The following COL1A1 variants were observed in gnomAD, a reference collection of about 807,000 sequenced individuals.
COL1A1 encodes the protein collagen alpha-1(I) chain.
In COL1A1, 21 loss-of-function variants were observed where a neutral mutation model predicts 195.7. The ratio of observed to expected loss-of-function variants is 0.11; its 90% CI spans 0.08 to 0.15. COL1A1 has a LOEUF of 0.15. Among genes scored for constraint, COL1A1 ranks in the 10% least tolerant of loss-of-function variants. The probability of loss-of-function intolerance (pLI) is 1.00; values close to 1 mark genes in which losing one functional copy is unlikely to be tolerated. For missense variants in COL1A1, 1,365 were observed against 2,051.0 expected, an observed-to-expected ratio of 0.67 and a Z score of 6.46; for synonymous variants, 749 against 747.3, an observed-to-expected ratio of 1.00 and a Z score of -0.04.
In COL1A1 at chr17:50,196,374, A is replaced by G. The variant is rs774008765; in HGVS notation, c.904-7T>C. The G allele has an allele frequency of 6.2e-7, 1 of 1,613,902 alleles. No individual in the cohort carries two copies. The highest frequency in any genetic ancestry group is 1.7e-5 in the Admixed American group (1 of 59,972). ...CAGGCAGGCCACGGGGGCCCTGACA[A>G]CCAAACCAAGAGAAGTCAGATGAGA... On this transcript the variant is annotated splice_polypyrimidine_tract_variant and splice_region_variant and intron_variant, in intron 13 of 50. Transcript: ENST00000225964.
chr17:50,192,390 T>C (rs1907176075), intron 29 of COL1A1, 85 bp downstream of exon 29: 1 of 1,441,898 alleles, frequency 6.9e-7, no homozygotes, highest in Admixed American at 2.0e-5. Flanking sequence ...CTCTAGTTGA[T>C]GGCTGTCTGA....
At position 50,194,985 on chromosome 17, in the gene COL1A1, C is replaced by G; in HGVS notation, c.1353+62G>C. 1 of 1,567,928 alleles carries G rather than the reference C, an allele frequency of 6.4e-7. No individual in the cohort carries two copies. ...GGGGCTCCTCTTCCTTTCTGGATTT[C>G]CCTCAGGGGGCTCCTAGGGCAGGGT... On this transcript the variant is annotated intron_variant, in intron 20 of 50. Coordinates refer to ENST00000225964, the MANE Select transcript of COL1A1 (RefSeq NM_000088.4). The surrounding 1 kb of genome is among the most constrained non-coding windows in gnomAD (Gnocchi z 6.8).
rs1907404687 is a variant in COL1A1, at chr17:50,194,635, G to A, written c.1462-9C>T. On this transcript the variant is annotated splice_polypyrimidine_tract_variant and intron_variant, in intron 21 of 50. Coordinates refer to ENST00000225964, the MANE Select transcript of COL1A1 (RefSeq NM_000088.4). This position sits in a 1 kb window ranked among gnomAD's most constrained non-coding sequence, Gnocchi z 6.8. The stretch of plus-strand genomic sequence containing the variant: ...CGGCTACCAGGTCCACCCTGCAGGA[G>A]GAGAGGAGGCCAGTGAACTCCGCGA... 6.4e-7 allele frequency: 1 copy of A among 1,560,756 alleles called. No homozygotes were observed. Among genetic ancestry groups the A allele is most frequent in the Non-Finnish European group, 8.7e-7 (1 of 1,152,056 alleles).
chr17:50,193,121 C>A (rs1295785272), intron 25 of COL1A1, 74 bp from the exon 26 acceptor site: 12 of 1,432,918 alleles, frequency 8.4e-6, no homozygotes, highest in African/African-American at 1.4e-5. Flanking sequence ...CTCATTTACT[C>A]TGAGTGGGAC....
At chr17:50,192,151 T>A in intron 29 of COL1A1, 127 bp from the exon 30 acceptor site, 1 of 1,051,242 alleles carries the variant, frequency 9.5e-7, no homozygotes, top group Non-Finnish European at 1.4e-6. Context: ...AGCACTGAAT[T>A]GAGATTATCC....
rs1061237 is a variant in COL1A1, at chr17:50,185,414, A to T, written c.*88T>A. Reference sequence around the variant, plus strand: ...ATTGTCTCCCATTTTTTGGCTTTTGAGGGGGTTCAGTTTGGGTTGCTTGTC... The same window carrying T: ...ATTGTCTCCCATTTTTTGGCTTTTGTGGGGGTTCAGTTTGGGTTGCTTGTC... On this transcript the variant is annotated 3_prime_UTR_variant, in exon 51 of 51. Transcript: ENST00000225964. The T allele has an allele frequency of 0.021, 32,055 of 1,497,468 alleles. 455 individuals carry two copies. The highest frequency in any genetic ancestry group is 0.025 in the Non-Finnish European group (26,534 of 1,079,178). 92.8% of individuals were successfully genotyped at this position (1,497,468 alleles called of 1,614,324 possible).
Position 50,190,806 on chromosome 17 carries a change from G to A in COL1A1, c.2343+11C>T, listed in dbSNP as rs369846335. On this transcript the variant is annotated intron_variant, in intron 33 of 50. Coordinates refer to ENST00000225964, the MANE Select transcript of COL1A1 (RefSeq NM_000088.4). This position sits in a 1 kb window ranked among gnomAD's most constrained non-coding sequence, Gnocchi z 4.7. ...GTGTTAGGGCAGAAGGTGGGGAGGC[G>A]GCCACCTCACCTTGTCACCAGGGGC... The A allele has an allele frequency of 8.1e-6, 13 of 1,602,004 alleles. No individual in the cohort carries two copies. Among genetic ancestry groups the A allele is most frequent in the African/African-American group, 2.7e-5 (2 of 74,588 alleles).
chr17:50,194,423 G>A lies in COL1A1; in HGVS notation c.1540C>T (p.Pro514Ser), dbSNP rs753739947. The change falls in exon 23 of 51, where the codon CCT (proline) becomes TCT (serine). Residue 514 changes from proline to serine, a missense_variant. This residue lies in a region of COL1A1 where 671 missense variants were observed against 1,099.9 expected (regional missense o/e 0.61). Transcript: ENST00000225964. This position sits in a 1 kb window ranked among gnomAD's most constrained non-coding sequence, Gnocchi z 6.8. ...PKGPAGERGS[P>S]GPAGPKGSPG... ...GATCCTTTGGGGCCAGCAGGGCCAG[G>A]AGAACCACGTTCACCAGCGGGACCC... The A allele has an allele frequency of 6.8e-6, 11 of 1,614,064 alleles. No individual in the cohort carries two copies. The highest frequency in any genetic ancestry group is 1.6e-4 in the Middle Eastern group (1 of 6,084).
At position 50,194,236 on chromosome 17, in the gene COL1A1, G is replaced by T. The variant is rs1182913504; in HGVS notation, c.1615-53C>A. 3.1e-6 allele frequency: 5 copies of T among 1,590,218 alleles called. No homozygotes were observed. The highest frequency in any genetic ancestry group is 2.0e-4 in the Middle Eastern group (1 of 5,042). On this transcript the variant is annotated intron_variant, in intron 23 of 50. Transcript: ENST00000225964. The surrounding 1 kb of genome is among the most constrained non-coding windows in gnomAD (Gnocchi z 6.8). ...ACTTGGGGAGAAGCATGATGGAGGTGGGGGAGGACTCCAGAGGGCAGACCC... is the reference window on the plus strand; with the variant it reads ...ACTTGGGGAGAAGCATGATGGAGGTTGGGGAGGACTCCAGAGGGCAGACCC...
chr17:50,185,124 G>C lies in COL1A1; in HGVS notation c.*378C>G, dbSNP rs148131473. On this transcript the variant is annotated 3_prime_UTR_variant, in exon 51 of 51. Coordinates refer to ENST00000225964, the MANE Select transcript of COL1A1 (RefSeq NM_000088.4). The stretch of plus-strand genomic sequence containing the variant: ...AAGGAGTGGAGGGGAGGCCCCAAGG[G>C]GGGTGTGGAGAAAGGAGCAGAAAGG... 1.6e-3 allele frequency: 489 copies of C among 299,800 alleles called. No individual in the cohort carries two copies. The highest frequency in any genetic ancestry group is 2.4e-3 in the Non-Finnish European group (382 of 159,452). 18.6% of individuals were successfully genotyped at this position (299,800 alleles called of 1,614,324 possible).
At position 50,194,465 on chromosome 17, in the gene COL1A1, C is replaced by T; in HGVS notation, c.1516-18G>A. Reference sequence around the variant, plus strand: ...GCGGGACCCTGGTTGGGGGAAGTCACAGGAACAGTTAGGGTCTCAAGTTTG... The same window carrying T: ...GCGGGACCCTGGTTGGGGGAAGTCATAGGAACAGTTAGGGTCTCAAGTTTG... On this transcript the variant is annotated intron_variant, in intron 22 of 50. Transcript: ENST00000225964. The surrounding 1 kb of genome is among the most constrained non-coding windows in gnomAD (Gnocchi z 6.8). 6.2e-7 allele frequency: 1 copy of T among 1,613,844 alleles called. No individual in the cohort carries two copies. Among genetic ancestry groups the T allele is most frequent in the Non-Finnish European group, 8.5e-7 (1 of 1,179,846 alleles).
At position 50,189,245 on chromosome 17, in the gene COL1A1, T is replaced by C. The variant is rs1462849564; in HGVS notation, c.2860A>G (p.Ile954Val). 2 of 1,613,640 alleles carry C rather than the reference T, an allele frequency of 1.2e-6. No individual in the cohort carries two copies. Among genetic ancestry groups the C allele is most frequent in the East Asian group, 2.2e-5 (1 of 44,818 alleles). ...CCGACCACACCACGCTGTCCAGCAA[T>C]ACCTTGAGGCCCGGGAGTACCAGGA... ...GAPGTPGPQG[I>V]AGQRGVVGLP... The change falls in exon 40 of 51, where the codon ATT (isoleucine) becomes GTT (valine). Residue 954 changes from isoleucine (I) to valine (V), a missense_variant. Around this residue, in one of 5 missense-constraint regions of COL1A1, gnomAD observed 671 missense variants for 1,099.9 expected, o/e 0.61. Coordinates refer to ENST00000225964, the MANE Select transcript of COL1A1 (RefSeq NM_000088.4). This position sits in a 1 kb window ranked among gnomAD's most constrained non-coding sequence, Gnocchi z 5.5.
At position 50,196,295 on chromosome 17, in the gene COL1A1, A is replaced by G; in HGVS notation, c.957+19T>C. The stretch of plus-strand genomic sequence containing the variant: ...CCTTCCAGAGCTCAGGGATCCCCCA[A>G]GGGGCCAGGAGTACTTACAGCAGGG... On this transcript the variant is annotated intron_variant, in intron 14 of 50. Transcript: ENST00000225964. 3 of 1,607,466 alleles carry G rather than the reference A, an allele frequency of 1.9e-6. No homozygotes were observed. Among genetic ancestry groups the G allele is most frequent in the Non-Finnish European group, 2.5e-6 (3 of 1,176,740 alleles).
chr17:50,190,025 T>C lies in COL1A1; in HGVS notation c.2535A>G (p.Gly845=). ...KGDAGPPGPA[G]PAGPPGPIGN... Reference sequence around the variant, plus strand: ...CAATGGGGCCAGGGGGTCCAGCGGGTCCGGCAGGGCCAGGGGGACCAGCAT... The same window carrying C: ...CAATGGGGCCAGGGGGTCCAGCGGGCCCGGCAGGGCCAGGGGGACCAGCAT... Residue 845 remains glycine, a synonymous_variant, in exon 36 of 51, where the codon GGA becomes GGG. Transcript: ENST00000225964. This position sits in a 1 kb window ranked among gnomAD's most constrained non-coding sequence, Gnocchi z 4.7. 6.2e-7 allele frequency: 1 copy of C among 1,609,866 alleles called. No individual in the cohort carries two copies.
rs372949963 is a variant in COL1A1 at position 50,192,455 on chromosome 17, G to A, written c.1983+20C>T. 36 of 1,591,962 alleles carry A rather than the reference G, an allele frequency of 2.3e-5. No individual in the cohort carries two copies. In the East Asian group the frequency reaches 2.3e-4, roughly 10 times the overall value. ...GATTCCCTGCATCTCCCACCCCTCT[G>A]GCCGGCTGCTCCCTCTTACCTGTTC... On this transcript the variant is annotated intron_variant, in intron 29 of 50. Transcript: ENST00000225964.
At chr17:50,191,200 A>C (rs893056321) in intron 32 of COL1A1, among the ~76,000 whole-genome samples, 183 bp downstream of exon 32, 3 of 152,116 alleles carry the variant, frequency 2.0e-5, no homozygotes, top group Non-Finnish European at 4.4e-5. Flanking sequence ...ACCCATGGGG[A>C]TAGATGGGCC....
chr17:50,195,682 G>A lies in COL1A1; in HGVS notation c.1057-17C>T. On this transcript the variant is annotated splice_polypyrimidine_tract_variant and intron_variant, in intron 16 of 50. Coordinates refer to ENST00000225964, the MANE Select transcript of COL1A1 (RefSeq NM_000088.4). This position sits in a 1 kb window ranked among gnomAD's most constrained non-coding sequence, Gnocchi z 4.3. ...AGCTTCACCCTGAATCAGAAGAAAG[G>A]ACATATCAGAAGCCACCCTGGGAAA... The A allele has an allele frequency of 3.1e-6, 5 of 1,612,340 alleles. No individual in the cohort carries two copies. Among genetic ancestry groups the A allele is most frequent in the African/African-American group, 1.3e-5 (1 of 74,930 alleles).
At position 50,185,299 on chromosome 17, in the gene COL1A1, GT is replaced by G; in HGVS notation, c.*202del. Reference sequence around the variant, plus strand: ...TTTGGTAAGGTTGAATGCACTTTTGGTTTTTGGTCATGTTCGGTTGGTCAAA... The same window carrying G: ...TTTGGTAAGGTTGAATGCACTTTTGGTTTTGGTCATGTTCGGTTGGTCAAA... On this transcript the variant is annotated 3_prime_UTR_variant, in exon 51 of 51. Transcript: ENST00000225964. The G allele has an allele frequency of 5.5e-6, 1 of 181,532 alleles. No individual in the cohort carries two copies. Among genetic ancestry groups the G allele is most frequent in the South Asian group, 7.4e-5 (1 of 13,452 alleles). The allele number at this position is 181,532 out of a possible 1,614,324, so 11.2% of individuals were successfully genotyped here.
At chr17:50,187,367 C>T (rs1232779175) in intron 46 of COL1A1, 117 bp downstream of exon 46, 4 of 1,059,206 alleles carry the variant, frequency 3.8e-6, no homozygotes, top group Non-Finnish European at 5.7e-6. Flanking sequence ...TCTTTGCCCA[C>T]TCCCTGTCCC....
Sources: allele counts gnomAD v4.1 joint callset (sites outside exome capture counted in the v4.1 genomes callset), GRCh38; gene constraint gnomAD v4.1.1; regional missense constraint gnomAD v4.1.1; non-coding constraint Gnocchi (gnomAD v3.1); transcripts MANE v1.5; gene names NCBI Gene and HGNC (gene_info 2026-07-23, HGNC 2026-07-21).